Variants in YJU2B observed in about 807,000 individuals in gnomAD.
YJU2B encodes the protein YJU2 splicing factor homolog B.
Under a neutral mutation model 38.0 loss-of-function variants are expected in YJU2B, and 18 were observed. That is an observed-to-expected ratio of 0.47 (90% CI 0.33 to 0.70). The LOEUF (loss-of-function observed/expected upper bound fraction) is 0.70, where lower values mean the gene tolerates loss of function less well. Ranked by LOEUF, YJU2B falls within the 30% of genes least tolerant of loss-of-function variation. The pLI is 0.02. For synonymous variants in YJU2B, 246 were observed against 225.4 expected, an observed-to-expected ratio of 1.09 and a Z score of -0.82; for missense variants, 538 against 556.3, an observed-to-expected ratio of 0.97 and a Z score of 0.33.
Position 13,756,279 on chromosome 19 carries a change from G to A in YJU2B, c.140G>A (p.Arg47Gln), listed in dbSNP as rs750728725. The change falls in exon 4 of 10, where the codon CGA becomes CAA. Residue 47 changes from arginine (R) to glutamine (Q), a missense_variant and splice_region_variant. Transcript: ENST00000221554. ...CTGTCACAGGGCATCCTCATCATCC[G>A]GTAAGGCCCAGCATCACCTGAGGAC... ...RKLSQGILIIRFEMPYNIWCD... is the reference protein window; with the variant it reads ...RKLSQGILIIQFEMPYNIWCD... 7 of 1,613,454 alleles carry A rather than the reference G, an allele frequency of 4.3e-6. No individual in the cohort carries two copies. The highest frequency in any genetic ancestry group is 1.7e-5 in the Admixed American group (1 of 59,978).
chr19:13,761,071 GCCA>G (rs1165641821), intron 8 of YJU2B, among the ~76,000 whole-genome samples: 3 of 151,982 alleles, frequency 2.0e-5, no homozygotes, highest in African/African-American at 4.8e-5. Context: ...ATCTGACCTG[GCCA>G]CCACATTTTA....
Position 13,758,944 on chromosome 19 carries a change from G to C in YJU2B, c.334G>C (p.Val112Leu). The C allele has an allele frequency of 7.4e-6, 12 of 1,614,060 alleles. No homozygotes were observed. The highest frequency in any genetic ancestry group is 1.0e-5 in the Non-Finnish European group (12 of 1,180,002). ...TDPANCDYVIVSGAQRKEERW... is the reference protein window; with the variant it reads ...TDPANCDYVILSGAQRKEERW... ...CCCCGCCAACTGCGACTACGTGATC[G>C]TGAGTGGCGCCCAGCGCAAGGAGGA... Residue 112 changes from valine to leucine, a missense_variant, in exon 7 of 10, where the codon GTG becomes CTG. By Grantham distance (32) the Val-to-Leu change is conservative. Around this residue, in one of 2 missense-constraint regions of YJU2B, gnomAD observed 488 missense variants for 469.5 expected, o/e 1.04. Transcript: ENST00000221554.
chr19:13,747,299 G>C (rs927557665), upstream of YJU2B, among the ~76,000 whole-genome samples: 1 of 152,122 alleles, frequency 6.6e-6, no homozygotes, highest in Non-Finnish European at 1.5e-5. Context: ...GCTGAAATTT[G>C]AATGTTTTAT....
In YJU2B at chr19:13,763,096, G is replaced by A. The variant is rs375166277; in HGVS notation, c.*28G>A. 1.3e-6 allele frequency: 2 copies of A among 1,512,842 alleles called. No individual in the cohort carries two copies. The highest frequency in any genetic ancestry group is 1.8e-6 in the Non-Finnish European group (2 of 1,126,186). The allele number at this position is 1,512,842 out of a possible 1,614,324, so 93.7% of individuals were successfully genotyped here. The stretch of plus-strand genomic sequence containing the variant: ...GATCCCCATCCTGGAGACTGGACCC[G>A]CTCTAGAGGCCCGGACACACCCAGG... On this transcript the variant is annotated 3_prime_UTR_variant, in exon 10 of 10. Coordinates refer to ENST00000221554, the MANE Select transcript of YJU2B (RefSeq NM_030818.4).
upstream of YJU2B, among the ~76,000 whole-genome samples, chr19:13,745,943 G>T (rs905440177): frequency 1.3e-5 from 2 of 151,726 alleles, no homozygotes. Flanking sequence ...ATTCTGTTAG[G>T]CCCTACAAGG....
chr19:13,745,901 A>G (rs899294104), upstream of YJU2B, among the ~76,000 whole-genome samples: 7 of 152,028 alleles, frequency 4.6e-5, no homozygotes, highest in Admixed American at 6.6e-5. Flanking sequence ...CAGGTGTCCA[A>G]TGAACAGCTC....
At chr19:13,735,047 C>T (rs574736494) in intron 2 of YJU2B, among the ~76,000 whole-genome samples, 8 of 152,268 alleles carry the variant, frequency 5.3e-5, no homozygotes, top group South Asian at 2.1e-4. Flanking sequence ...CAGGGCACAG[C>T]GGCTCATGCC....
chr19:13,746,120 C>T (rs1020455854), upstream of YJU2B, among the ~76,000 whole-genome samples: 2 of 151,832 alleles, frequency 1.3e-5, no homozygotes, highest in Non-Finnish European at 2.9e-5. Flanking sequence ...GGCATGGTGG[C>T]GGGCACCTGT....
chr19:13,735,173 C>T (rs1330307053), intron 2 of YJU2B, among the ~76,000 whole-genome samples: 1 of 152,050 alleles, frequency 6.6e-6, no homozygotes. Context: ...AAAAATTAGT[C>T]GGGCATGGTG....
At chr19:13,742,910 T>TCC (rs1283352683), upstream of YJU2B, among the ~76,000 whole-genome samples, 1 of 152,122 alleles carries the variant, frequency 6.6e-6, no homozygotes, top group African/African-American at 2.4e-5. Context: ...CGAGCATGCC[T>TCC]CCCTACAGCA....
At chr19:13,754,695 T>C (rs962957136) in intron 3 of YJU2B, among the ~76,000 whole-genome samples, 2 of 152,132 alleles carry the variant, frequency 1.3e-5, no homozygotes, top group Non-Finnish European at 2.9e-5. Flanking sequence ...TTCACCATAC[T>C]CTCACTTCCT....
chr19:13,733,392 CTG>C (rs1278213580), intron 2 of YJU2B, among the ~76,000 whole-genome samples: 1 of 152,086 alleles, frequency 6.6e-6, no homozygotes, highest in Non-Finnish European at 1.5e-5. Context: ...GTCCTGTGCA[CTG>C]TGAGAAGTTG....
chr19:13,763,199 G>A lies in YJU2B; in HGVS notation c.*131G>A, dbSNP rs999121034. 5.6e-5 allele frequency: 37 copies of A among 664,454 alleles called. No homozygotes were observed. Among genetic ancestry groups the A allele is most frequent in the Non-Finnish European group, 8.2e-5 (33 of 402,942 alleles). The allele number at this position is 664,454 out of a possible 1,614,324, so 41.2% of individuals were successfully genotyped here. On this transcript the variant is annotated 3_prime_UTR_variant, in exon 10 of 10. Transcript: ENST00000221554. ...TCAGATGCCGCATCCTCCCCAGACC[G>A]CGCCTTCCTGCAACCGTGGAGTTAT...
chr19:13,745,562 G>A (rs1051802236), upstream of YJU2B, among the ~76,000 whole-genome samples: 3 of 151,782 alleles, frequency 2.0e-5, no homozygotes, highest in East Asian at 1.9e-4. Flanking sequence ...CAGGAGAATC[G>A]CTTGATCCCG....
Position 13,758,972 on chromosome 19 carries a change from G to T in YJU2B, c.362G>T (p.Arg121Leu), listed in dbSNP as rs142208784. ...IVSGAQRKEE[R>L]WDMADNEQVL... ...AGTGGCGCCCAGCGCAAGGAGGAGC[G>T]CTGGGACATGGCGGACAATGAGCAG... Residue 121 changes from arginine (R) to leucine (L), a missense_variant, in exon 7 of 10, where the codon CGC becomes CTC. Arg to Leu is a moderately radical substitution (Grantham distance 102). Around this residue, in one of 2 missense-constraint regions of YJU2B, gnomAD observed 488 missense variants for 469.5 expected, o/e 1.04. Coordinates refer to ENST00000221554, the MANE Select transcript of YJU2B (RefSeq NM_030818.4). 2,147 of 1,613,840 alleles carry T rather than the reference G, an allele frequency of 1.3e-3. 3 individuals carry two copies. Among genetic ancestry groups the T allele is most frequent in the East Asian group, 5.5e-3 (245 of 44,884 alleles).
intron 2 of YJU2B, among the ~76,000 whole-genome samples, chr19:13,742,367 A>G (rs1182032410): frequency 1.4e-5 from 2 of 144,602 alleles, no homozygotes; most frequent in Admixed American, 1.4e-4. Context: ...CAGTGGCGCA[A>G]TCTCGGCTCA....
intron 3 of YJU2B, among the ~76,000 whole-genome samples, chr19:13,754,906 G>C (rs1361391979): frequency 6.6e-6 from 1 of 152,130 alleles, no homozygotes; most frequent in Admixed American, 6.6e-5. Flanking sequence ...TCCCCACACA[G>C]TAGGTGCTCA....
chr19:13,734,114 G>C (rs1428503180), intron 2 of YJU2B, among the ~76,000 whole-genome samples: 1 of 151,924 alleles, frequency 6.6e-6, no homozygotes, highest in Non-Finnish European at 1.5e-5. Context: ...CTTTTGTAGA[G>C]ACAGGGTCTC....
chr19:13,749,072 C>T (rs1176785840), intron 1 of YJU2B, among the ~76,000 whole-genome samples: 2 of 152,206 alleles, frequency 1.3e-5, no homozygotes, highest in South Asian at 2.1e-4. Context: ...GGCGTGATCT[C>T]GGTTCACTGC....
Sources: gnomAD v4.1 joint callset for allele counts (sites outside exome capture counted in the v4.1 genomes callset) on GRCh38, gnomAD v4.1.1 for gene constraint, gnomAD v4.1.1 regional missense constraint, MANE v1.5 for transcripts, NCBI Gene and HGNC (gene_info 2026-07-23, HGNC 2026-07-21) for gene names.